MEGF10: variants seen among roughly 807,000 people sequenced by gnomAD.
MEGF10 encodes the protein multiple EGF like domains 10.
A neutral mutation model predicts 147.5 loss-of-function variants in MEGF10; 86 were observed. That is an observed-to-expected ratio of 0.58 (90% CI 0.49 to 0.70). The LOEUF (loss-of-function observed/expected upper bound fraction) is 0.70, where lower values mean the gene tolerates loss of function less well. Ranked by LOEUF, MEGF10 falls within the 30% of genes least tolerant of loss-of-function variation. The pLI is 0.00. For synonymous variants in MEGF10, 478 were observed against 525.5 expected (o/e 0.91, Z 1.24); for missense variants, 1,329 against 1,487.3 (o/e 0.89, Z 1.75).
At chr5:127,453,826 G>C (rs1766250393) in intron 22 of MEGF10, among the ~76,000 whole-genome samples, 1 of 152,176 alleles carries the variant, frequency 6.6e-6, no homozygotes. Flanking sequence ...GTGATTAAAT[G>C]CTTATATTTT....
At chr5:127,271,438 TATA>T in the MEGF10 span, among the ~76,000 whole-genome samples, 1 of 152,172 alleles carries the variant, frequency 6.6e-6, no homozygotes. Context: ...TTAAGTTCCT[TATA>T]GATGCTGGAT....
chr5:127,309,947 C>CTTTCTT (rs1554088999), intron 1 of MEGF10, among the ~76,000 whole-genome samples: 1 of 90,396 alleles, frequency 1.1e-5, no homozygotes, highest in African/African-American at 4.5e-5. Context: ...TCCTTGCCAA[C>CTTTCTT]TCTTTCTTTC....
At chr5:127,252,832 G>A in the MEGF10 span, among the ~76,000 whole-genome samples, 2 of 151,858 alleles carry the variant, frequency 1.3e-5, no homozygotes, top group African/African-American at 4.8e-5. Context: ...CAGGAGGCAG[G>A]TTGTTTTCTT....
In MEGF10 at chr5:127,331,338, C is replaced by A. The variant is rs1175344178; in HGVS notation, c.30C>A (p.Ser10Arg). The A allele has an allele frequency of 1.2e-6, 2 of 1,612,496 alleles. No homozygotes were observed. The highest frequency in any genetic ancestry group is 2.7e-5 in the African/African-American group (2 of 74,820). ...TTATTTCTTTGAACTCATGCCTGAG[C>A]TTTATTTGTTTATTGTTATGCCACT... MVISLNSCL[S>R]FICLLLCHWI... The change falls in exon 2 of 25, where the codon AGC (serine) becomes AGA (arginine). Residue 10 changes from serine (S) to arginine (R), a missense_variant. Ser to Arg is a moderately radical substitution (Grantham distance 110). This residue lies in a region of MEGF10 where 980 missense variants were observed against 1,085.9 expected (regional missense o/e 0.90). Coordinates refer to ENST00000503335, the MANE Select transcript of MEGF10 (RefSeq NM_001256545.2).
intron 8 of MEGF10, among the ~76,000 whole-genome samples, chr5:127,406,911 T>C (rs1340133059): frequency 6.6e-6 from 1 of 152,174 alleles, no homozygotes; most frequent in Non-Finnish European, 1.5e-5. Flanking sequence ...TGCGACAGCC[T>C]ATTAGGGGCC....
intron 10 of MEGF10, among the ~76,000 whole-genome samples, chr5:127,418,756 A>T (rs1267974395): frequency 6.6e-6 from 1 of 152,196 alleles, no homozygotes; most frequent in Non-Finnish European, 1.5e-5. Context: ...GTTTATATTG[A>T]TGTTTATTTA....
upstream of MEGF10, among the ~76,000 whole-genome samples, chr5:127,287,673 C>T (rs1318704316): frequency 6.6e-6 from 1 of 151,854 alleles, no homozygotes; most frequent in East Asian, 1.9e-4. Context: ...TCAATGGATT[C>T]AAGGCACTCT....
chr5:127,242,466 G>C, the MEGF10 span, among the ~76,000 whole-genome samples: 1 of 152,186 alleles, frequency 6.6e-6, no homozygotes, highest in Non-Finnish European at 1.5e-5. Context: ...AGTATAAATT[G>C]TAATGTAGGT....
At chr5:127,290,613 C>T (rs1489073434), upstream of MEGF10, among the ~76,000 whole-genome samples, 1 of 152,216 alleles carries the variant, frequency 6.6e-6, no homozygotes, top group East Asian at 1.9e-4. Flanking sequence ...GGGCGACTCA[C>T]GATCGAGGTG....
the MEGF10 span, among the ~76,000 whole-genome samples, chr5:127,280,473 T>A: frequency 6.6e-6 from 1 of 152,232 alleles, no homozygotes; most frequent in East Asian, 1.9e-4. Context: ...ATAGCATTTC[T>A]CCACTGGCCC....
chr5:127,389,196 A>G (rs1162451094), intron 5 of MEGF10, among the ~76,000 whole-genome samples: 1 of 152,144 alleles, frequency 6.6e-6, no homozygotes, highest in African/African-American at 2.4e-5. Context: ...AATATCCTCT[A>G]TGTGCTTGTC....
intron 1 of MEGF10, among the ~76,000 whole-genome samples, chr5:127,303,577 G>T (rs56084567): frequency 0.072 from 10,898 of 152,218 alleles, 672 homozygotes; most frequent in African/African-American, 0.16. Flanking sequence ...AATATTGATT[G>T]AGCCCTCATA....
At chr5:127,445,412 T>C (rs1262904405) in intron 19 of MEGF10, 45 bp from the exon 20 acceptor site, 1 of 1,461,082 alleles carries the variant, frequency 6.8e-7, no homozygotes. Context: ...CAAACGTTTA[T>C]CCAGCACATT....
rs536294639 is a variant in MEGF10, at chr5:127,401,833, C to A, written c.781-713C>A. Among the ~76,000 whole-genome samples the A allele has an allele frequency of 2.6e-5, 4 of 152,272 alleles. No homozygotes were observed. In the East Asian group the frequency reaches 7.7e-4, roughly 29 times the overall value. The stretch of plus-strand genomic sequence containing the variant: ...TGACTGTGCTTGACAAGATGGACAG[C>A]CTCTAGGGTGAGGAGAAATATCCAC... On this transcript the variant is annotated intron_variant, in intron 7 of 24. Coordinates refer to ENST00000503335, the MANE Select transcript of MEGF10 (RefSeq NM_001256545.2).
chr5:127,314,996 A>G (rs538625240), intron 1 of MEGF10, among the ~76,000 whole-genome samples: 11 of 152,290 alleles, frequency 7.2e-5, no homozygotes, highest in South Asian at 6.2e-4. Context: ...AGATACTGCT[A>G]TTAAAGACTT....
intron 24 of MEGF10, among the ~76,000 whole-genome samples, chr5:127,456,696 G>T (rs942476388): frequency 2.6e-5 from 4 of 152,204 alleles, no homozygotes; most frequent in Admixed American, 2.6e-4. Context: ...GCCACAGTAG[G>T]ATGGGAACTC....
chr5:127,249,781 C>T, the MEGF10 span, among the ~76,000 whole-genome samples: 6 of 151,938 alleles, frequency 3.9e-5, no homozygotes, highest in African/African-American at 1.2e-4. Flanking sequence ...TATTTATTGC[C>T]GTTTTGGAGG....
At chr5:127,379,164 A>G (rs1415952928) in intron 5 of MEGF10, among the ~76,000 whole-genome samples, 1 of 148,040 alleles carries the variant, frequency 6.8e-6, no homozygotes, top group Non-Finnish European at 1.5e-5. Flanking sequence ...TCTTCTCATT[A>G]TCTCTACTGC....
chr5:127,344,248 G>A (rs773144140), intron 4 of MEGF10, among the ~76,000 whole-genome samples: 2 of 152,102 alleles, frequency 1.3e-5, no homozygotes, highest in Non-Finnish European at 1.5e-5. Flanking sequence ...TGCAGTCTAA[G>A]TATCTTTTTT....
Sources: allele counts gnomAD v4.1 joint callset (sites outside exome capture counted in the v4.1 genomes callset), GRCh38; gene constraint gnomAD v4.1.1; regional missense constraint gnomAD v4.1.1; transcripts MANE v1.5; gene names NCBI Gene and HGNC (gene_info 2026-07-23, HGNC 2026-07-21).